Variants in CPXM2 observed in about 807,000 individuals in gnomAD.
The protein encoded by CPXM2 is inactive carboxypeptidase-like protein X2.
CPXM2 carries 66 observed loss-of-function variants against 86.1 expected under a neutral mutation model. The observed-to-expected ratio is 0.77, with a 90% CI of 0.63 to 0.94. The LOEUF (loss-of-function observed/expected upper bound fraction) is 0.94, where lower values mean the gene tolerates loss of function less well. Ranked by LOEUF, CPXM2 falls within the 40% of genes least tolerant of loss-of-function variation. The probability of loss-of-function intolerance (pLI) is 0.00; values close to 1 mark genes in which losing one functional copy is unlikely to be tolerated. For missense variants in CPXM2, 948 were observed against 1,026.3 expected (o/e 0.92, Z 1.04); for synonymous variants, 388 against 400.2 (o/e 0.97, Z 0.36).
At chr10:123,914,637 T>C (rs1945519945) in intron 2 of CPXM2, among the ~76,000 whole-genome samples, 1 of 152,192 alleles carries the variant, frequency 6.6e-6, no homozygotes, top group Non-Finnish European at 1.5e-5. Context: ...GCCAGAAGCC[T>C]GGCACCCGGG....
intron 13 of CPXM2, chr10:123,751,604 G>A (rs1198703724): frequency 2.6e-5 from 26 of 985,276 alleles, no homozygotes; most frequent in Non-Finnish European, 3.0e-5. Context: ...CCGGGTGTCT[G>A]TCCAACATAC....
intron 2 of CPXM2, among the ~76,000 whole-genome samples, chr10:123,873,366 A>C (rs1944924382): frequency 6.6e-6 from 1 of 152,232 alleles, no homozygotes; most frequent in African/African-American, 2.4e-5. Context: ...ATATTAAAGA[A>C]GGTCTAATAA....
chr10:123,890,847 A>G (rs1945254321), intron 1 of CPXM2, among the ~76,000 whole-genome samples: 1 of 152,034 alleles, frequency 6.6e-6, no homozygotes, highest in Non-Finnish European at 1.5e-5. Flanking sequence ...CGGGCAGAGG[A>G]CCCAAGAGAC....
At chr10:123,886,460 TG>T (rs2134242916) in intron 1 of CPXM2, among the ~76,000 whole-genome samples, 1 of 152,310 alleles carries the variant, frequency 6.6e-6, no homozygotes, top group Admixed American at 6.5e-5. Context: ...AACAACTCTT[TG>T]GTTATTTCCC....
In CPXM2 at chr10:123,831,899, A is replaced by G. The variant is rs138905843; in HGVS notation, c.653+10450T>C. On this transcript the variant is annotated intron_variant, in intron 4 of 13. Transcript: ENST00000241305. ...TTGCCATGTAACCAACCATATTCAC[A>G]GGTTCCAAGCATTAAGATAATGACA... 1.1e-3 allele frequency among the ~76,000 whole-genome samples: 159 copies of G among 147,988 alleles called. 1 individual carries two copies. The East Asian group carries it at 0.015, about 14-fold the overall frequency.
chr10:123,937,622 T>C (rs1945735605), intron 2 of CPXM2, among the ~76,000 whole-genome samples: 2 of 152,198 alleles, frequency 1.3e-5, no homozygotes, highest in African/African-American at 4.8e-5. Flanking sequence ...AATGCCTTTT[T>C]TCAACAAAGT....
At chr10:123,893,094 ATTTTGCCATGTTCCCTAACT>A (rs1945300439), upstream of CPXM2, among the ~76,000 whole-genome samples, 1 of 152,124 alleles carries the variant, frequency 6.6e-6, no homozygotes, top group South Asian at 2.1e-4. Context: ...GGCAAAGTCC[ATTTTGCCATGTTCCCTAACT>A]TTTTGCCAGG....
chr10:123,885,406 T>C lies in CPXM2; in HGVS notation c.305-5097A>G, dbSNP rs1189009673. On this transcript the variant is annotated intron_variant, in intron 1 of 13. Coordinates refer to ENST00000241305, the MANE Select transcript of CPXM2 (RefSeq NM_198148.3). The surrounding 1 kb of genome is among the most constrained non-coding windows in gnomAD (Gnocchi z 4.0). The stretch of plus-strand genomic sequence containing the variant: ...TGCTTGGAGAAGTCACAAATGCCCA[T>C]GAGTGGCAGAACCAGACTTTGACCT... Among the ~76,000 whole-genome samples, 2 of 152,178 alleles carry C rather than the reference T, an allele frequency of 1.3e-5. No homozygotes were observed. Among genetic ancestry groups the C allele is most frequent in the East Asian group, 1.9e-4 (1 of 5,176 alleles).
At position 123,791,876 on chromosome 10, in the gene CPXM2, C is replaced by T. The variant is rs184639517; in HGVS notation, c.889+6100G>A. 2.2e-3 allele frequency among the ~76,000 whole-genome samples: 330 copies of T among 152,296 alleles called. 1 individual carries two copies. Among genetic ancestry groups the T allele is most frequent in the Non-Finnish European group, 3.2e-3 (215 of 68,038 alleles). On this transcript the variant is annotated intron_variant, in intron 6 of 13. Coordinates refer to ENST00000241305, the MANE Select transcript of CPXM2 (RefSeq NM_198148.3). ...GCGAGCCCTGAACAAATGCCCACTG[C>T]GAGAGGCCATCCTTCCGAACTGAGC...
chr10:123,873,337 C>T (rs56146854), intron 2 of CPXM2, among the ~76,000 whole-genome samples: 25,158 of 152,004 alleles, frequency 0.17, 2,414 homozygotes, highest in African/African-American at 0.25. Context: ...AGACCTCTAG[C>T]GATAAATTTC....
intron 2 of CPXM2, among the ~76,000 whole-genome samples, chr10:123,921,306 G>A (rs1945578134): frequency 6.6e-6 from 1 of 152,068 alleles, no homozygotes. Context: ...AGCATCTAAA[G>A]TTCAAAATTA....
At chr10:123,907,477 G>A (rs557407074) in intron 2 of CPXM2, among the ~76,000 whole-genome samples, 15 of 152,014 alleles carry the variant, frequency 9.9e-5, no homozygotes, top group South Asian at 2.1e-4. Flanking sequence ...CCACCCTCCC[G>A]CAGCACAGGG....
intron 7 of CPXM2, among the ~76,000 whole-genome samples, chr10:123,773,422 A>C (rs1846703158): frequency 6.6e-6 from 1 of 151,800 alleles, no homozygotes; most frequent in East Asian, 1.9e-4. Flanking sequence ...TGTGGTTCTC[A>C]CCTCCCTCTG....
chr10:123,787,318 A>C (rs1847083157), intron 6 of CPXM2, among the ~76,000 whole-genome samples: 1 of 152,124 alleles, frequency 6.6e-6, no homozygotes, highest in Non-Finnish European at 1.5e-5. Context: ...TCTTGCTGGT[A>C]CCAGCACCCA....
rs576111643 is a variant in CPXM2 at position 123,885,992 on chromosome 10, C to A, written c.304+5364G>T. ...ATGCGCGAGCCCTGGTTTCTGGAACCTTGGGCACAGGCAAGAGGAAATTTG... is the reference window on the plus strand; with the variant it reads ...ATGCGCGAGCCCTGGTTTCTGGAACATTGGGCACAGGCAAGAGGAAATTTG... On this transcript the variant is annotated intron_variant, in intron 1 of 13. Coordinates refer to ENST00000241305, the MANE Select transcript of CPXM2 (RefSeq NM_198148.3). This position sits in a 1 kb window ranked among gnomAD's most constrained non-coding sequence, Gnocchi z 4.0. Among the ~76,000 whole-genome samples, 1 of 152,192 alleles carries A rather than the reference C, an allele frequency of 6.6e-6. No individual in the cohort carries two copies. The highest frequency in any genetic ancestry group is 1.5e-5 in the Non-Finnish European group (1 of 68,026).
intron 2 of CPXM2, among the ~76,000 whole-genome samples, chr10:123,918,653 C>T (rs538624900): frequency 9.9e-5 from 15 of 152,246 alleles, no homozygotes; most frequent in South Asian, 2.1e-4. Context: ...GGGCTAAATC[C>T]GCATTTTGTT....
chr10:123,894,546 G>A (rs1289952139), upstream of CPXM2, among the ~76,000 whole-genome samples: 2 of 152,194 alleles, frequency 1.3e-5, no homozygotes, highest in East Asian at 3.8e-4. Flanking sequence ...TGCCCGTCCT[G>A]GAAAGGTGCA....
At chr10:123,751,517 A>G (rs1259376567) in intron 13 of CPXM2, 7 of 985,202 alleles carry the variant, frequency 7.1e-6, no homozygotes, top group Admixed American at 6.1e-5. Flanking sequence ...GGGGCAACTC[A>G]GGCCCAAAGA....
intron 2 of CPXM2, among the ~76,000 whole-genome samples, chr10:123,909,204 CCT>C (rs1237343133): frequency 6.6e-6 from 1 of 151,968 alleles, no homozygotes; most frequent in Non-Finnish European, 1.5e-5. Context: ...TTCCCTCCAC[CCT>C]GAGGTTCAGC....
Sources: allele counts gnomAD v4.1 joint callset (sites outside exome capture counted in the v4.1 genomes callset), GRCh38; gene constraint gnomAD v4.1.1; non-coding constraint Gnocchi (gnomAD v3.1); transcripts MANE v1.5; gene names NCBI Gene and HGNC (gene_info 2026-07-23, HGNC 2026-07-21).